APBB1IP: variants seen among roughly 807,000 people sequenced by gnomAD.
APBB1IP encodes amyloid beta A4 precursor protein-binding family B member 1-interacting protein.
APBB1IP carries 27 observed loss-of-function variants against 64.9 expected under a neutral mutation model. The observed-to-expected ratio is 0.42, with a 90% CI of 0.31 to 0.57. APBB1IP has a LOEUF of 0.57. Ranked by LOEUF, APBB1IP falls within the 20% of genes least tolerant of loss-of-function variation. The probability of loss-of-function intolerance (pLI) is 0.20; values close to 1 mark genes in which losing one functional copy is unlikely to be tolerated. For missense variants in APBB1IP, 812 were observed against 845.5 expected, an observed-to-expected ratio of 0.96 and a Z score of 0.49; for synonymous variants, 392 against 331.0, an observed-to-expected ratio of 1.18 and a Z score of -2.00.
At chr10:26,516,106 G>A (rs919584411) in intron 8 of APBB1IP, among the ~76,000 whole-genome samples, 21 of 152,072 alleles carry the variant, frequency 1.4e-4, no homozygotes, top group African/African-American at 3.9e-4. Flanking sequence ...AGTGTAAACC[G>A]GAAAGTCTCT....
intron 2 of APBB1IP, among the ~76,000 whole-genome samples, chr10:26,490,866 A>C (rs1414746633): frequency 1.3e-5 from 2 of 152,210 alleles, no homozygotes; most frequent in East Asian, 3.8e-4. Flanking sequence ...ATGCATGTAC[A>C]AATTCAAGTA....
At chr10:26,548,877 T>C (rs1466894637) in intron 11 of APBB1IP, among the ~76,000 whole-genome samples, 1 of 152,246 alleles carries the variant, frequency 6.6e-6, no homozygotes, top group Non-Finnish European at 1.5e-5. Context: ...TCCAGTACTA[T>C]GCAGAATAGT....
chr10:26,442,525 G>C (rs1410026383), intron 2 of APBB1IP, among the ~76,000 whole-genome samples: 1 of 152,144 alleles, frequency 6.6e-6, no homozygotes, highest in Non-Finnish European at 1.5e-5. Context: ...CACAGCAACT[G>C]TGTTTCCCCA....
intron 2 of APBB1IP, among the ~76,000 whole-genome samples, chr10:26,454,433 C>T (rs1835499084): frequency 6.6e-6 from 1 of 152,028 alleles, no homozygotes; most frequent in Non-Finnish European, 1.5e-5. Context: ...GGACAAGGAG[C>T]TGAGATCGTG....
At chr10:26,558,400 G>T (rs1409077136) in intron 11 of APBB1IP, among the ~76,000 whole-genome samples, 1 of 152,118 alleles carries the variant, frequency 6.6e-6, no homozygotes, top group Non-Finnish European at 1.5e-5. Context: ...CTGGCCATGT[G>T]CTAAGCACTG....
At chr10:26,444,880 A>G (rs946101821) in intron 2 of APBB1IP, among the ~76,000 whole-genome samples, 1 of 152,086 alleles carries the variant, frequency 6.6e-6, no homozygotes, top group African/African-American at 2.4e-5. Flanking sequence ...TGGGTGGATC[A>G]TGAGGTCAAG....
At chr10:26,444,747 C>T (rs1835373238) in intron 2 of APBB1IP, among the ~76,000 whole-genome samples, 1 of 152,118 alleles carries the variant, frequency 6.6e-6, no homozygotes, top group South Asian at 2.1e-4. Flanking sequence ...TCCTATTTTG[C>T]AAATTAGAAA....
At chr10:26,554,621 T>G (rs575901627) in intron 11 of APBB1IP, among the ~76,000 whole-genome samples, 2 of 152,216 alleles carry the variant, frequency 1.3e-5, no homozygotes, top group Non-Finnish European at 2.9e-5. Context: ...CTCACTCTGT[T>G]GCTCAGGCTG....
At chr10:26,528,923 T>C (rs1836513655) in intron 8 of APBB1IP, among the ~76,000 whole-genome samples, 1 of 152,026 alleles carries the variant, frequency 6.6e-6, no homozygotes, top group African/African-American at 2.4e-5. Flanking sequence ...GGTGACAGAG[T>C]GAGATATGTC....
At chr10:26,541,844 T>C in intron 11 of APBB1IP, 152 bp downstream of exon 11, 2 of 554,882 alleles carry the variant, frequency 3.6e-6, no homozygotes, top group East Asian at 6.7e-5. Context: ...TCTATCAATT[T>C]GGGACATTTT....
At chr10:26,499,931 C>G (rs1223768098) in intron 4 of APBB1IP, among the ~76,000 whole-genome samples, 1 of 152,270 alleles carries the variant, frequency 6.6e-6, no homozygotes, top group East Asian at 1.9e-4. Flanking sequence ...TGGCTCTTGG[C>G]TGGGCACAGT....
intron 6 of APBB1IP, among the ~76,000 whole-genome samples, chr10:26,507,083 C>A (rs964114539): frequency 2.7e-4 from 41 of 152,192 alleles, no homozygotes; most frequent in African/African-American, 9.6e-4. Flanking sequence ...AGAGAGGCAG[C>A]TGGGAGACAC....
chr10:26,559,549 G>T (rs1420583195), intron 11 of APBB1IP, among the ~76,000 whole-genome samples: 1 of 151,926 alleles, frequency 6.6e-6, no homozygotes, highest in Non-Finnish European at 1.5e-5. Context: ...CTCCAGCCAG[G>T]ACAACTCTGC....
At chr10:26,541,523 T>C (rs968010677) in intron 10 of APBB1IP, 59 bp from the exon 11 acceptor site, 45 of 1,137,756 alleles carry the variant, frequency 4.0e-5, no homozygotes, top group Non-Finnish European at 5.2e-5. Flanking sequence ...GAAGGACAAC[T>C]CTGGAAAATT....
intron 2 of APBB1IP, among the ~76,000 whole-genome samples, chr10:26,460,832 A>G (rs1835580973): frequency 6.6e-6 from 1 of 152,202 alleles, no homozygotes; most frequent in African/African-American, 2.4e-5. Context: ...CAGGAAGAAT[A>G]GCTAATGGAT....
intron 14 of APBB1IP, among the ~76,000 whole-genome samples, chr10:26,566,038 T>C (rs578059086): frequency 6.6e-6 from 1 of 152,346 alleles, no homozygotes; most frequent in East Asian, 1.9e-4. Context: ...AATTATCCTA[T>C]GTGCAGGAAT....
chr10:26,567,722 A>C lies in APBB1IP; in HGVS notation c.*234A>C. The C allele has an allele frequency of 1.1e-6, 1 of 941,862 alleles. No homozygotes were observed. The highest frequency in any genetic ancestry group is 1.8e-5 in the African/African-American group (1 of 55,962). 58.3% of individuals were successfully genotyped at this position (941,862 alleles called of 1,614,324 possible). On this transcript the variant is annotated 3_prime_UTR_variant, in exon 15 of 15. Transcript: ENST00000376236. ...CTAAATGGAATGTATCTTCCCTTCCAAGCTGCCTAAAGCGCTGTTTTAGGT... is the reference window on the plus strand; with the variant it reads ...CTAAATGGAATGTATCTTCCCTTCCCAGCTGCCTAAAGCGCTGTTTTAGGT...
intron 2 of APBB1IP, among the ~76,000 whole-genome samples, chr10:26,442,064 T>C (rs1835343891): frequency 6.6e-6 from 1 of 152,100 alleles, no homozygotes; most frequent in South Asian, 2.1e-4. Flanking sequence ...CTTTCCACAA[T>C]GAGTTTATAG....
chr10:26,459,138 G>C (rs1490381140), intron 2 of APBB1IP, among the ~76,000 whole-genome samples: 1 of 129,434 alleles, frequency 7.7e-6, no homozygotes, highest in African/African-American at 3.0e-5. Context: ...CCCTTCCTGT[G>C]TCCATGTGTT....
Sources: allele counts gnomAD v4.1 joint callset (sites outside exome capture counted in the v4.1 genomes callset), GRCh38; gene constraint gnomAD v4.1.1; transcripts MANE v1.5; gene names NCBI Gene and HGNC (gene_info 2026-07-23, HGNC 2026-07-21).